MACROD2: variants seen among roughly 807,000 people sequenced by gnomAD.
MACROD2 encodes ADP-ribose glycohydrolase MACROD2.
MACROD2 carries 36 observed loss-of-function variants against 70.4 expected under a neutral mutation model. That is an observed-to-expected ratio of 0.51 (90% CI 0.39 to 0.68). The LOEUF (loss-of-function observed/expected upper bound fraction) is 0.68, where lower values mean the gene tolerates loss of function less well. Among genes scored for constraint, MACROD2 ranks in the 30% least tolerant of loss-of-function variants. The probability of loss-of-function intolerance (pLI) is 0.00; values close to 1 mark genes in which losing one functional copy is unlikely to be tolerated. For synonymous variants in MACROD2, 172 were observed against 178.8 expected (o/e 0.96, Z 0.30); for missense variants, 496 against 538.4 (o/e 0.92, Z 0.78).
intron 3 of MACROD2, among the ~76,000 whole-genome samples, chr20:14,372,870 C>A (rs1367744105): frequency 6.6e-6 from 1 of 152,182 alleles, no homozygotes; most frequent in Non-Finnish European, 1.5e-5. Context: ...GCTGTGTCTT[C>A]TTTCTGGTCT....
chr20:15,983,911 C>G (rs953728241), intron 13 of MACROD2, among the ~76,000 whole-genome samples: 4 of 152,164 alleles, frequency 2.6e-5, no homozygotes, highest in Non-Finnish European at 5.9e-5. Flanking sequence ...TTTCCTTTAA[C>G]ACCTATTTTT....
At chr20:14,796,390 A>G (rs182841719) in intron 5 of MACROD2, among the ~76,000 whole-genome samples, 21 of 152,250 alleles carry the variant, frequency 1.4e-4, no homozygotes, top group Admixed American at 1.2e-3. Context: ...GACAAGAGGT[A>G]CTTCATCTGA....
At chr20:16,026,241 G>A (rs1198114826) in intron 15 of MACROD2, among the ~76,000 whole-genome samples, 1 of 152,234 alleles carries the variant, frequency 6.6e-6, no homozygotes, top group African/African-American at 2.4e-5. Context: ...ACATCTGAAG[G>A]GGAATGAGGT....
At chr20:14,592,425 T>G (rs186445464) in intron 4 of MACROD2, among the ~76,000 whole-genome samples, 8 of 152,178 alleles carry the variant, frequency 5.3e-5, no homozygotes, top group East Asian at 3.9e-4. Context: ...TCTCTGGGTT[T>G]GTTTGTTTGT....
chr20:14,081,273 A>G (rs1401659482), intron 2 of MACROD2, among the ~76,000 whole-genome samples: 2 of 151,462 alleles, frequency 1.3e-5, no homozygotes, highest in East Asian at 3.9e-4. Flanking sequence ...CCATCCACTC[A>G]CCTCCATCCT....
At chr20:14,060,304 A>G (rs894558843) in intron 2 of MACROD2, among the ~76,000 whole-genome samples, 2 of 152,182 alleles carry the variant, frequency 1.3e-5, no homozygotes, top group African/African-American at 4.8e-5. Flanking sequence ...TTACAGATCC[A>G]TGTTTCTAAC....
intron 5 of MACROD2, among the ~76,000 whole-genome samples, chr20:14,973,718 C>A (rs948298721): frequency 6.6e-6 from 1 of 152,054 alleles, no homozygotes; most frequent in African/African-American, 2.4e-5. Flanking sequence ...GTCATTTTTC[C>A]ATTTAATAAA....
At chr20:15,294,671 A>G (rs370507810) in intron 6 of MACROD2, among the ~76,000 whole-genome samples, 33 of 152,288 alleles carry the variant, frequency 2.2e-4, no homozygotes, top group African/African-American at 7.9e-4. Flanking sequence ...ACTTTTAACA[A>G]TGCTCACTTG....
intron 8 of MACROD2, among the ~76,000 whole-genome samples, chr20:15,624,234 C>T (rs576296144): frequency 1.3e-5 from 2 of 152,344 alleles, no homozygotes; most frequent in East Asian, 3.9e-4. Flanking sequence ...CAAGCCTGCT[C>T]ATTCCACTTT....
At position 15,199,425 on chromosome 20, in the gene MACROD2, A is replaced by G. The variant is rs183905587; in HGVS notation, c.419-30515A>G. 3.4e-3 allele frequency among the ~76,000 whole-genome samples: 513 copies of G among 152,304 alleles called. 1 individual carries two copies. The highest frequency in any genetic ancestry group is 6.8e-3 in the Middle Eastern group (2 of 294). On this transcript the variant is annotated intron_variant, in intron 5 of 17. Transcript: ENST00000684519. Reference sequence around the variant, plus strand: ...ATGTATGTATGTGTGACTCCAGGTGACTTATTTAACCTCTTTGAATTTCCA... The same window carrying G: ...ATGTATGTATGTGTGACTCCAGGTGGCTTATTTAACCTCTTTGAATTTCCA...
At position 15,086,451 on chromosome 20, in the gene MACROD2, T is replaced by C. The variant is rs566550356; in HGVS notation, c.419-143489T>C. 9.2e-4 allele frequency among the ~76,000 whole-genome samples: 140 copies of C among 152,296 alleles called. 1 individual carries two copies. Among genetic ancestry groups the C allele is most frequent in the Non-Finnish European group, 1.6e-3 (106 of 68,006 alleles). ...AACTAAGGGTCTTTATCAGATTACC[T>C]GAGTCTCCCTCTACTCTGGCCCCAA... is the stretch of plus-strand genomic sequence containing the variant. On this transcript the variant is annotated intron_variant, in intron 5 of 17. Coordinates refer to ENST00000684519, the MANE Select transcript of MACROD2 (RefSeq NM_001351661.2).
At chr20:15,001,687 C>G (rs1380158566) in intron 5 of MACROD2, among the ~76,000 whole-genome samples, 2 of 151,870 alleles carry the variant, frequency 1.3e-5, no homozygotes, top group African/African-American at 4.8e-5. Flanking sequence ...AGGTCTAGAA[C>G]ATGTTATCTT....
chr20:14,983,526 G>C (rs200103563), intron 5 of MACROD2, among the ~76,000 whole-genome samples: 29 of 151,430 alleles, frequency 1.9e-4, no homozygotes, highest in Non-Finnish European at 1.6e-4. Context: ...TTCCTATGCT[G>C]TTCTCGTGAT....
intron 5 of MACROD2, among the ~76,000 whole-genome samples, chr20:14,752,480 A>G (rs1186912138): frequency 1.3e-5 from 2 of 151,948 alleles, no homozygotes; most frequent in Admixed American, 6.6e-5. Context: ...TCTTTCTGTC[A>G]CTGTGGTTTC....
chr20:14,517,238 C>T (rs6074747), intron 4 of MACROD2, among the ~76,000 whole-genome samples: 56,054 of 151,952 alleles, frequency 0.37, 11,083 homozygotes, highest in East Asian at 0.63. Context: ...CACATGCACA[C>T]GTATGTTTAT....
chr20:15,336,165 A>G (rs2078045963), intron 6 of MACROD2, among the ~76,000 whole-genome samples: 1 of 151,634 alleles, frequency 6.6e-6, no homozygotes, highest in Admixed American at 6.6e-5. Flanking sequence ...TTAAATGTTA[A>G]TCTCAAACAC....
At chr20:15,233,358 G>C (rs909836549) in intron 6 of MACROD2, among the ~76,000 whole-genome samples, 1 of 152,102 alleles carries the variant, frequency 6.6e-6, no homozygotes, top group South Asian at 2.1e-4. Context: ...AGGAGAATTG[G>C]AGAAAGGTCT....
intron 5 of MACROD2, among the ~76,000 whole-genome samples, chr20:14,979,104 A>G (rs1824095671): frequency 8.2e-6 from 1 of 122,684 alleles, no homozygotes; most frequent in Admixed American, 9.2e-5. Context: ...TGTACACACC[A>G]CCATACCCAG....
At chr20:14,709,099 T>G (rs548772088) in intron 5 of MACROD2, among the ~76,000 whole-genome samples, 1 of 152,280 alleles carries the variant, frequency 6.6e-6, no homozygotes, top group Non-Finnish European at 1.5e-5. Flanking sequence ...TGGATTTTGG[T>G]TAGAAAAAGA....
Sources: gnomAD v4.1 joint callset for allele counts (sites outside exome capture counted in the v4.1 genomes callset) on GRCh38, gnomAD v4.1.1 for gene constraint, MANE v1.5 for transcripts, NCBI Gene and HGNC (gene_info 2026-07-23, HGNC 2026-07-21) for gene names.